The following ABCA9 variants were observed in gnomAD, a reference collection of about 807,000 sequenced individuals.
The protein encoded by ABCA9 is ATP binding cassette subfamily A member 9.
ABCA9 carries 183 observed loss-of-function variants against 205.3 expected under a neutral mutation model. That is an observed-to-expected ratio of 0.89 (90% CI 0.79 to 1.01). The LOEUF (loss-of-function observed/expected upper bound fraction) is 1.01. ABCA9 is among the 50% of genes least tolerant of loss of function. The pLI is 0.00. For synonymous variants in ABCA9, 651 were observed against 683.3 expected, an observed-to-expected ratio of 0.95 and a Z score of 0.74; for missense variants, 1,805 against 1,912.4, an observed-to-expected ratio of 0.94 and a Z score of 1.05.
At chr17:69,009,727 G>C (rs2070299392) in intron 23 of ABCA9, among the ~76,000 whole-genome samples, 1 of 152,066 alleles carries the variant, frequency 6.6e-6, no homozygotes, top group Non-Finnish European at 1.5e-5. Context: ...GATGATGATG[G>C]CTCTGGCTGG....
chr17:69,015,643 T>G lies in ABCA9; in HGVS notation c.3039+610A>C, dbSNP rs2070562910. ...TTACTGAGCACCTGCAGTTGTCCTA[T>G]TTTAGGTGCCTCATCACTCGTTCCT... On this transcript the variant is annotated intron_variant, in intron 22 of 38. Transcript: ENST00000340001. Among the ~76,000 whole-genome samples the G allele has an allele frequency of 3.3e-5, 5 of 152,288 alleles. No homozygotes were observed. The South Asian group carries it at 1.0e-3, about 32-fold the overall frequency.
intron 16 of ABCA9, 122 bp from the exon 17 acceptor site, chr17:69,024,475 A>G (rs1253564865): frequency 2.1e-6 from 2 of 950,162 alleles, no homozygotes; most frequent in Non-Finnish European, 3.0e-6. Context: ...TGTGTAGTTT[A>G]CTGGACAAAG....
In ABCA9 at chr17:68,984,068, G is replaced by C; in HGVS notation, c.4487C>G (p.Ser1496Ter). 6.2e-7 allele frequency: 1 copy of C among 1,614,114 alleles called. No homozygotes were observed. Among genetic ancestry groups the C allele is most frequent in the Non-Finnish European group, 8.5e-7 (1 of 1,180,004 alleles). The change falls in exon 35 of 39, where the codon TCA (serine) becomes TGA (stop). Residue 1496 changes from serine (S) to a stop codon, truncating the protein, a stop_gained. Coordinates refer to ENST00000340001, the MANE Select transcript of ABCA9 (RefSeq NM_080283.4). LOFTEE classifies it high-confidence loss of function. The part of the protein sequence containing the change: ...AVCDRVAIMV[S>*]GRLRCIGSIQ... ...GACAGGCACTCACCTCAGCCTTCCTGACACCATGATGGCCACTCGGTCACA... is the reference window on the plus strand; with the variant it reads ...GACAGGCACTCACCTCAGCCTTCCTCACACCATGATGGCCACTCGGTCACA...
At chr17:69,031,935 G>A (rs1419217162) in intron 10 of ABCA9, among the ~76,000 whole-genome samples, 173 bp downstream of exon 10, 2 of 152,226 alleles carry the variant, frequency 1.3e-5, no homozygotes, top group Non-Finnish European at 2.9e-5. Flanking sequence ...TGCTGAGAAT[G>A]TGAGAAAATA....
upstream of ABCA9, among the ~76,000 whole-genome samples, chr17:69,064,425 T>C (rs536735432): frequency 9.8e-5 from 15 of 152,330 alleles, 1 homozygote; most frequent in East Asian, 2.7e-3. Flanking sequence ...CTGCTCCTTA[T>C]AGGATACACC....
Position 69,026,371 on chromosome 17 carries a change from C to A in ABCA9, c.2141+6G>T, listed in dbSNP as rs1332211485. 1.2e-6 allele frequency: 2 copies of A among 1,611,268 alleles called. No individual in the cohort carries two copies. Among genetic ancestry groups the A allele is most frequent in the Admixed American group, 3.3e-5 (2 of 59,902 alleles). On this transcript the variant is annotated splice_donor_region_variant and intron_variant, in intron 16 of 38. Coordinates refer to ENST00000340001, the MANE Select transcript of ABCA9 (RefSeq NM_080283.4). ...GTCAACACGTCTCCAACATTCAGGG[C>A]TGTACCTTAAATGGTAGCCTATGCC... is the stretch of plus-strand genomic sequence containing the variant.
At chr17:69,049,864 C>T (rs2071843512) in intron 2 of ABCA9, among the ~76,000 whole-genome samples, 1 of 152,076 alleles carries the variant, frequency 6.6e-6, no homozygotes. Flanking sequence ...CTTCCATCAA[C>T]AGGAGCAAGA....
At chr17:69,053,803 C>T (rs1387783419) in intron 1 of ABCA9, among the ~76,000 whole-genome samples, 1 of 151,922 alleles carries the variant, frequency 6.6e-6, no homozygotes, top group Non-Finnish European at 1.5e-5. Context: ...CAGATAACGG[C>T]TAGACACCCA....
intron 22 of ABCA9, among the ~76,000 whole-genome samples, chr17:69,014,153 A>G (rs1296988982): frequency 6.6e-6 from 1 of 152,142 alleles, no homozygotes; most frequent in Non-Finnish European, 1.5e-5. Context: ...TAATAACACA[A>G]GTTGAGAATC....
chr17:68,985,403 CACG>C (rs2143977248), intron 32 of ABCA9, among the ~76,000 whole-genome samples: 1 of 152,224 alleles, frequency 6.6e-6, no homozygotes, highest in South Asian at 2.1e-4. Flanking sequence ...GCAGGTGGAC[CACG>C]AGGTCAAGAG....
Position 69,021,749 on chromosome 17 carries a change from A to T in ABCA9, c.2394T>A (p.Asp798Glu). 1.3e-6 allele frequency: 2 copies of T among 1,567,716 alleles called. No homozygotes were observed. The highest frequency in any genetic ancestry group is 1.7e-6 in the Non-Finnish European group (2 of 1,153,296). ...TTTCTTATTTTTTCTTACCTGATTC[A>T]TCAATAGTTGATTTTCCTTCTAATT... is the stretch of plus-strand genomic sequence containing the variant. ...FLKLEGKSTI[D>E]ESDIGIWGQL... The change falls in exon 18 of 39, where the codon GAT (aspartate) becomes GAA (glutamate). Residue 798 changes from aspartate to glutamate, a missense_variant. Asp to Glu is a conservative substitution (Grantham distance 45, BLOSUM62 2). Transcript: ENST00000340001.
At chr17:68,986,114 T>C in intron 32 of ABCA9, 50 bp downstream of exon 32, 1 of 1,533,750 alleles carries the variant, frequency 6.5e-7, no homozygotes, top group Admixed American at 2.0e-5. Flanking sequence ...TGTATGTTAT[T>C]AATACAACAT....
At chr17:69,022,095 T>G (rs2070829823) in intron 17 of ABCA9, 1 of 226,926 alleles carries the variant, frequency 4.4e-6, no homozygotes, top group African/African-American at 2.3e-5. Context: ...ACCTATGTGT[T>G]TTTTGAAAAA....
chr17:68,978,038 T>A (rs1169609330), intron 37 of ABCA9, among the ~76,000 whole-genome samples: 1 of 152,170 alleles, frequency 6.6e-6, no homozygotes, highest in African/African-American at 2.4e-5. Flanking sequence ...TAACTTTCTG[T>A]CTCGATCTGT....
chr17:68,981,915 T>G (rs957183824), intron 37 of ABCA9, among the ~76,000 whole-genome samples: 2 of 140,314 alleles, frequency 1.4e-5, no homozygotes, highest in African/African-American at 5.5e-5. Context: ...AAAGTACAGC[T>G]CAAGAAGGGG....
chr17:69,078,556 G>C, the ABCA9 span: 40,063 of 153,068 alleles, frequency 0.26, 5,930 homozygotes, highest in East Asian at 0.58. Flanking sequence ...TTGAGTTGTA[G>C]TTGGTTATAA....
chr17:69,075,427 G>A, the ABCA9 span, among the ~76,000 whole-genome samples: 1 of 152,154 alleles, frequency 6.6e-6, no homozygotes, highest in Non-Finnish European at 1.5e-5. Context: ...TGTATATGGT[G>A]AAAGGTGGGG....
At chr17:69,063,921 C>A (rs1381784295), upstream of ABCA9, among the ~76,000 whole-genome samples, 1 of 152,150 alleles carries the variant, frequency 6.6e-6, no homozygotes, top group Non-Finnish European at 1.5e-5. Context: ...TTGTTTTGTG[C>A]TTTTTTTGCC....
the ABCA9 span, among the ~76,000 whole-genome samples, chr17:69,078,225 GA>G: frequency 1.3e-4 from 6 of 47,310 alleles, no homozygotes; most frequent in African/African-American, 3.5e-4. Flanking sequence ...TTTTTTTTTT[GA>G]CAGAGTCTCA....
Sources: gnomAD v4.1 joint callset for allele counts (sites outside exome capture counted in the v4.1 genomes callset) on GRCh38, gnomAD v4.1.1 for gene constraint, MANE v1.5 for transcripts, NCBI Gene and HGNC (gene_info 2026-07-23, HGNC 2026-07-21) for gene names.